The following CCDC171 variants were observed in gnomAD, a reference collection of about 807,000 sequenced individuals.
CCDC171 encodes coiled-coil domain-containing protein 171.
CCDC171 carries 177 observed loss-of-function variants against 168.2 expected under a neutral mutation model. The observed-to-expected ratio is 1.05, with a 90% CI of 0.93 to 1.19. The LOEUF is 1.19. CCDC171 is among the 50% of genes most tolerant of loss of function. The pLI is 0.00. For missense variants in CCDC171, 1,991 were observed against 1,539.0 expected, an observed-to-expected ratio of 1.29 and a Z score of -4.91; for synonymous variants, 687 against 540.8, an observed-to-expected ratio of 1.27 and a Z score of -3.75.
intron 18 of CCDC171, among the ~76,000 whole-genome samples, chr9:15,760,367 A>G (rs1381105226): frequency 2.0e-5 from 3 of 152,184 alleles, no homozygotes; most frequent in African/African-American, 4.8e-5. Context: ...AATTATATGC[A>G]TACTATTAAT....
chr9:15,602,112 G>A (rs893557338), intron 6 of CCDC171, among the ~76,000 whole-genome samples: 1 of 152,116 alleles, frequency 6.6e-6, no homozygotes, highest in Admixed American at 6.5e-5. Context: ...ACTGTAATTT[G>A]TAACTGGAAT....
At chr9:16,037,956 T>C (rs1380188193), upstream of CCDC171, among the ~76,000 whole-genome samples, 3 of 152,162 alleles carry the variant, frequency 2.0e-5, no homozygotes, top group African/African-American at 7.2e-5. Context: ...GGAAGTACAG[T>C]AAGTCATGAG....
intron 18 of CCDC171, chr9:15,776,126 C>T (rs1002818155): frequency 2.0e-5 from 3 of 151,934 alleles, no homozygotes; most frequent in Non-Finnish European, 2.9e-5. Context: ...CTACTTAGTT[C>T]TTTTTCATCC....
chr9:15,553,907 G>A (rs571246527), intron 1 of CCDC171, among the ~76,000 whole-genome samples: 1 of 152,130 alleles, frequency 6.6e-6, no homozygotes, highest in Non-Finnish European at 1.5e-5. Flanking sequence ...AGGTAAATGA[G>A]ATAAATACGT....
chr9:15,698,381 C>A (rs1020940750), intron 11 of CCDC171, among the ~76,000 whole-genome samples: 5 of 151,962 alleles, frequency 3.3e-5, no homozygotes, highest in African/African-American at 1.2e-4. Flanking sequence ...ATTAGCCAGG[C>A]GTGGTGGCGG....
chr9:15,792,171 T>A (rs1236293578), intron 21 of CCDC171, among the ~76,000 whole-genome samples: 1 of 152,178 alleles, frequency 6.6e-6, no homozygotes, highest in Non-Finnish European at 1.5e-5. Context: ...AACTACGTGA[T>A]GAATGCACAA....
chr9:15,705,126 A>ACACACT (rs149512066), intron 11 of CCDC171, among the ~76,000 whole-genome samples: 37 of 148,908 alleles, frequency 2.5e-4, no homozygotes, highest in African/African-American at 9.1e-4. Flanking sequence ...ACACACTCTC[A>ACACACT]CTCACTCAGA....
chr9:16,106,874 A>G, the CCDC171 span, among the ~76,000 whole-genome samples: 1 of 152,024 alleles, frequency 6.6e-6, no homozygotes, highest in Non-Finnish European at 1.5e-5. Flanking sequence ...GCCAGGTGTC[A>G]CCCTCCAGGT....
intron 18 of CCDC171, among the ~76,000 whole-genome samples, chr9:15,765,751 A>G (rs1322741073): frequency 2.0e-5 from 3 of 152,128 alleles, no homozygotes; most frequent in Non-Finnish European, 4.4e-5. Context: ...TTTTTATTTA[A>G]TCAGGGTGGG....
At chr9:15,647,955 T>G (rs1587717222) in intron 7 of CCDC171, among the ~76,000 whole-genome samples, 1 of 152,098 alleles carries the variant, frequency 6.6e-6, no homozygotes, top group Non-Finnish European at 1.5e-5. Context: ...AAAAGAGAAT[T>G]TTAGACCAAT....
intron 21 of CCDC171, among the ~76,000 whole-genome samples, chr9:15,829,324 C>T (rs918764445): frequency 1.3e-5 from 2 of 151,968 alleles, no homozygotes; most frequent in Non-Finnish European, 2.9e-5. Flanking sequence ...GAAAGAAAAG[C>T]CGATACATGA....
chr9:15,634,933 A>G (rs569784201), intron 7 of CCDC171, among the ~76,000 whole-genome samples: 1 of 152,186 alleles, frequency 6.6e-6, no homozygotes, highest in Admixed American at 6.5e-5. Flanking sequence ...ACTTAGCATA[A>G]TGTTTTCAAG....
intron 25 of CCDC171, among the ~76,000 whole-genome samples, chr9:15,946,310 A>T (rs1828374394): frequency 6.6e-6 from 1 of 152,016 alleles, no homozygotes; most frequent in Non-Finnish European, 1.5e-5. Flanking sequence ...CTGATAAGCA[A>T]CTTCAGCAAA....
chr9:15,806,641 T>C (rs2059091669), intron 21 of CCDC171, among the ~76,000 whole-genome samples: 1 of 152,106 alleles, frequency 6.6e-6, no homozygotes, highest in Non-Finnish European at 1.5e-5. Context: ...CCTTTTTCTC[T>C]AGCTAACTTT....
At chr9:15,916,319 T>C (rs1824501032) in intron 24 of CCDC171, among the ~76,000 whole-genome samples, 1 of 152,016 alleles carries the variant, frequency 6.6e-6, no homozygotes, top group Non-Finnish European at 1.5e-5. Flanking sequence ...TATAAAATGT[T>C]ATAAGGTATG....
chr9:16,040,669 A>G (rs1833558165), upstream of CCDC171, among the ~76,000 whole-genome samples: 1 of 152,236 alleles, frequency 6.6e-6, no homozygotes, highest in African/African-American at 2.4e-5. Context: ...AAGAGCAGCT[A>G]TAGGGAATGC....
At chr9:15,823,495 T>A (rs2059882342) in intron 21 of CCDC171, among the ~76,000 whole-genome samples, 3 of 152,120 alleles carry the variant, frequency 2.0e-5, no homozygotes, top group South Asian at 2.1e-4. Context: ...TGAGCACATA[T>A]ACCTTGGCTA....
chr9:15,757,648 C>T (rs1393540876), intron 18 of CCDC171, among the ~76,000 whole-genome samples: 3 of 152,164 alleles, frequency 2.0e-5, no homozygotes, highest in African/African-American at 7.2e-5. Flanking sequence ...CTCCAGGTCA[C>T]GTCAGAGGTC....
chr9:15,561,995 T>C (rs764253124), intron 1 of CCDC171, among the ~76,000 whole-genome samples: 35 of 151,850 alleles, frequency 2.3e-4, no homozygotes, highest in Non-Finnish European at 2.7e-4. Context: ...AGCATGACAT[T>C]TTGCTTCTTT....
Sources: gnomAD v4.1 joint callset for allele counts (sites outside exome capture counted in the v4.1 genomes callset) on GRCh38, gnomAD v4.1.1 for gene constraint, MANE v1.5 for transcripts, NCBI Gene and HGNC (gene_info 2026-07-23, HGNC 2026-07-21) for gene names.